The following HNRNPA1L2 variants were observed in gnomAD, a reference collection of about 807,000 sequenced individuals.
HNRNPA1L2 encodes heterogeneous nuclear ribonucleoprotein A1 like 2.
HNRNPA1L2 carries 10 observed loss-of-function variants against 18.2 expected under a neutral mutation model. The ratio of observed to expected loss-of-function variants is 0.55; its 90% CI spans 0.34 to 0.93. HNRNPA1L2 has a LOEUF of 0.93. Ranked by LOEUF, HNRNPA1L2 falls within the 40% of genes least tolerant of loss-of-function variation. HNRNPA1L2 has a pLI of 0.02. For synonymous variants in HNRNPA1L2, 124 were observed against 138.6 expected (o/e 0.89, Z 0.74); for missense variants, 308 against 394.4 (o/e 0.78, Z 1.85).
chr13:52,626,554 TA>T, the HNRNPA1L2 span, among the ~76,000 whole-genome samples: 1 of 152,314 alleles, frequency 6.6e-6, no homozygotes, highest in Admixed American at 6.5e-5. Context: ...ATGAAAAATT[TA>T]AAATATACGC....
chr13:52,642,679 G>T lies in HNRNPA1L2; in HGVS notation c.187G>T (p.Ala63Ser), dbSNP rs768675441. Residue 63 changes from alanine (A) to serine (S), a missense_variant, in exon 1 of 1, where the codon GCC becomes TCC. Coordinates refer to ENST00000357495, the MANE Select transcript of HNRNPA1L2 (RefSeq NM_001389320.1). ...CAGGGGCTTTGGGTTTGTCACATATGCCACTGTGGAGGAGGTGGATGCAGC... is the reference window on the plus strand; with the variant it reads ...CAGGGGCTTTGGGTTTGTCACATATTCCACTGTGGAGGAGGTGGATGCAGC... ...RSRGFGFVTY[A>S]TVEEVDAAMN... 1.9e-6 allele frequency: 3 copies of T among 1,609,766 alleles called. No homozygotes were observed. In the South Asian group the frequency reaches 3.3e-5, roughly 18 times the overall value.
the HNRNPA1L2 span, among the ~76,000 whole-genome samples, chr13:52,618,342 G>A: frequency 2.4e-4 from 37 of 152,232 alleles, 1 homozygote; most frequent in East Asian, 3.7e-3. Flanking sequence ...ACGTGTTGCA[G>A]CATACTTGGT....
the HNRNPA1L2 span, among the ~76,000 whole-genome samples, chr13:52,630,811 C>T: frequency 2.0e-5 from 3 of 152,164 alleles, no homozygotes; most frequent in South Asian, 2.1e-4. Context: ...GTATCTGTTA[C>T]ATATTATTGA....
chr13:52,632,623 T>C, the HNRNPA1L2 span: 4 of 152,776 alleles, frequency 2.6e-5, no homozygotes, highest in South Asian at 8.3e-4. Context: ...ATTCGAATCA[T>C]GAATGTGGCG....
chr13:52,636,071 G>A, the HNRNPA1L2 span, among the ~76,000 whole-genome samples: 19 of 152,010 alleles, frequency 1.2e-4, no homozygotes, highest in African/African-American at 4.3e-4. Context: ...TCCTGACCTC[G>A]TGATCTGCCC....
At chr13:52,620,660 AG>A in the HNRNPA1L2 span, among the ~76,000 whole-genome samples, 1 of 152,194 alleles carries the variant, frequency 6.6e-6, no homozygotes, top group Non-Finnish European at 1.5e-5. Context: ...ATGTAATCCC[AG>A]CACTTAGGGA....
chr13:52,630,496 C>G, the HNRNPA1L2 span, among the ~76,000 whole-genome samples: 1 of 152,132 alleles, frequency 6.6e-6, no homozygotes, highest in African/African-American at 2.4e-5. Context: ...GCTGGTAACT[C>G]CTGACCTCAA....
At chr13:52,617,539 A>G in the HNRNPA1L2 span, 17,072 of 420,560 alleles carry the variant, frequency 0.041, 423 homozygotes, top group South Asian at 0.07. Context: ...GCTCTCCTGG[A>G]TGGCTTTATG....
the HNRNPA1L2 span, chr13:52,617,605 C>T: frequency 2.1e-6 from 1 of 472,514 alleles, no homozygotes; most frequent in Non-Finnish European, 3.9e-6. Flanking sequence ...CCCTTTCCTG[C>T]CACCCTTTGT....
At chr13:52,617,618 C>A in the HNRNPA1L2 span, 1 of 473,994 alleles carries the variant, frequency 2.1e-6, no homozygotes, top group East Asian at 3.2e-5. Context: ...CCCTTTGTCC[C>A]CTGGAAGCCC....
chr13:52,624,185 GCTCACTGCTAT>G, the HNRNPA1L2 span, among the ~76,000 whole-genome samples: 1 of 152,182 alleles, frequency 6.6e-6, no homozygotes, highest in East Asian at 1.9e-4. Context: ...CGCGGTCTTG[GCTCACTGCTAT>G]CTCCACCTCC....
the HNRNPA1L2 span, among the ~76,000 whole-genome samples, chr13:52,623,728 T>A: frequency 1.3e-5 from 2 of 152,200 alleles, no homozygotes; most frequent in Admixed American, 1.3e-4. Flanking sequence ...TCTTTCTTTG[T>A]ATTATATATT....
At chr13:52,624,144 TC>T in the HNRNPA1L2 span, among the ~76,000 whole-genome samples, 1 of 152,218 alleles carries the variant, frequency 6.6e-6, no homozygotes, top group African/African-American at 2.4e-5. Context: ...AGATGGAGTC[TC>T]GCTCTGTCAC....
chr13:52,633,052 T>C, the HNRNPA1L2 span, among the ~76,000 whole-genome samples: 3 of 152,186 alleles, frequency 2.0e-5, no homozygotes, highest in Non-Finnish European at 4.4e-5. Context: ...CCTCTTGAAA[T>C]GTTGCATTCT....
the HNRNPA1L2 span, among the ~76,000 whole-genome samples, chr13:52,633,250 T>C: frequency 2.6e-5 from 4 of 152,326 alleles, no homozygotes; most frequent in African/African-American, 9.6e-5. Context: ...ATTTATAAAA[T>C]AACTTATTGA....
chr13:52,639,885 T>TTTG (rs1555269243), upstream of HNRNPA1L2, among the ~76,000 whole-genome samples: 1,046 of 117,740 alleles, frequency 8.9e-3, 31 homozygotes, highest in African/African-American at 0.029. Flanking sequence ...TGTTTTTTTT[T>TTTG]TTTTTTTTTT....
chr13:52,635,900 G>A, the HNRNPA1L2 span, among the ~76,000 whole-genome samples: 6 of 147,270 alleles, frequency 4.1e-5, no homozygotes, highest in Non-Finnish European at 5.9e-5. Flanking sequence ...GCGCGACCTC[G>A]GCTCACTGCA....
the HNRNPA1L2 span, among the ~76,000 whole-genome samples, chr13:52,625,173 G>A: frequency 5.9e-5 from 9 of 151,700 alleles, no homozygotes; most frequent in African/African-American, 2.2e-4. Flanking sequence ...GGAGTGCAGT[G>A]GTGTGATCTC....
chr13:52,636,395 A>T, the HNRNPA1L2 span, among the ~76,000 whole-genome samples: 6 of 152,354 alleles, frequency 3.9e-5, no homozygotes, highest in African/African-American at 1.4e-4. Flanking sequence ...CAGCAGCAGT[A>T]ACTGGTCGGA....
Sources: gnomAD v4.1 joint callset for allele counts (sites outside exome capture counted in the v4.1 genomes callset) on GRCh38, gnomAD v4.1.1 for gene constraint, MANE v1.5 for transcripts, NCBI Gene and HGNC (gene_info 2026-07-23, HGNC 2026-07-21) for gene names.